The following SLC10A7 variants were observed in gnomAD, a reference collection of about 807,000 sequenced individuals.
SLC10A7 encodes solute carrier family 10 member 7.
SLC10A7 carries 29 observed loss-of-function variants against 43.2 expected under a neutral mutation model. The observed-to-expected ratio is 0.67, with a 90% CI of 0.50 to 0.92. The LOEUF is 0.92. SLC10A7 is among the 40% of genes least tolerant of loss of function. The pLI is 0.00. For missense variants in SLC10A7, 295 were observed against 403.2 expected, an observed-to-expected ratio of 0.73 and a Z score of 2.30; for synonymous variants, 152 against 144.8, an observed-to-expected ratio of 1.05 and a Z score of -0.35.
intron 5 of SLC10A7, among the ~76,000 whole-genome samples, chr4:146,405,811 A>C (rs926265562): frequency 3.9e-5 from 6 of 152,058 alleles, no homozygotes; most frequent in Non-Finnish European, 5.9e-5. Flanking sequence ...TGGAGGCAGA[A>C]GGAAGAGTTT....
chr4:146,278,644 C>A (rs1305654626), intron 10 of SLC10A7, among the ~76,000 whole-genome samples: 1 of 152,128 alleles, frequency 6.6e-6, no homozygotes, highest in Non-Finnish European at 1.5e-5. Context: ...CTTTCAAGAA[C>A]TTATTTCCTT....
At position 146,256,362 on chromosome 4, in the gene SLC10A7, G is replaced by T; in HGVS notation, c.*129C>A. On this transcript the variant is annotated 3_prime_UTR_variant, in exon 12 of 12. Coordinates refer to ENST00000335472, the MANE Select transcript of SLC10A7 (RefSeq NM_001029998.6). Reference sequence around the variant, plus strand: ...AATACATTTTAAGGCACTTAAACAGGATCTCATATTTTTGTGTAAAAAAAT... The same window carrying T: ...AATACATTTTAAGGCACTTAAACAGTATCTCATATTTTTGTGTAAAAAAAT... 1.2e-6 allele frequency: 1 copy of T among 840,318 alleles called. No homozygotes were observed. 52.1% of individuals were successfully genotyped at this position (840,318 alleles called of 1,614,324 possible). A position where few individuals can be genotyped will look rare whatever the true frequency, so the allele number is the denominator to read the frequency against.
chr4:146,307,320 T>C (rs1331948861), intron 6 of SLC10A7, among the ~76,000 whole-genome samples: 1 of 152,166 alleles, frequency 6.6e-6, no homozygotes, highest in Non-Finnish European at 1.5e-5. Context: ...TCTAGCCCTT[T>C]TTCTCCACAA....
chr4:146,426,165 T>C (rs1729339432), intron 5 of SLC10A7, among the ~76,000 whole-genome samples: 1 of 152,204 alleles, frequency 6.6e-6, no homozygotes, highest in Admixed American at 6.5e-5. Flanking sequence ...TATATGCCAC[T>C]TTTTCCTGAC....
At chr4:146,499,543 T>C (rs1328195227) in intron 4 of SLC10A7, among the ~76,000 whole-genome samples, 1 of 152,210 alleles carries the variant, frequency 6.6e-6, no homozygotes, top group African/African-American at 2.4e-5. Flanking sequence ...GTATTAAACT[T>C]TTCTACTACC....
intron 3 of SLC10A7, among the ~76,000 whole-genome samples, chr4:146,505,667 A>C (rs1736834047): frequency 6.6e-6 from 1 of 152,206 alleles, no homozygotes; most frequent in Non-Finnish European, 1.5e-5. Flanking sequence ...ATTTTATGGA[A>C]TTTCCAACTC....
chr4:146,414,780 T>C (rs1237984585), intron 5 of SLC10A7, among the ~76,000 whole-genome samples: 1 of 150,056 alleles, frequency 6.7e-6, no homozygotes, highest in Non-Finnish European at 1.5e-5. Flanking sequence ...CATCTGTTCA[T>C]GACTTTTATA....
chr4:146,510,419 T>C (rs1211141211), intron 2 of SLC10A7, among the ~76,000 whole-genome samples: 1 of 152,052 alleles, frequency 6.6e-6, no homozygotes, highest in Non-Finnish European at 1.5e-5. Context: ...GCCACCACCA[T>C]GCCCTCCTAA....
intron 4 of SLC10A7, among the ~76,000 whole-genome samples, chr4:146,501,441 G>A (rs1167414944): frequency 6.6e-6 from 1 of 152,096 alleles, no homozygotes; most frequent in Non-Finnish European, 1.5e-5. Context: ...GACTTATTCT[G>A]GCCAATTTAA....
In SLC10A7 at chr4:146,258,512, C is replaced by T. The variant is rs540399581; in HGVS notation, c.993+180G>A. Among the ~76,000 whole-genome samples, 3 of 152,258 alleles carry T rather than the reference C, an allele frequency of 2.0e-5. No homozygotes were observed. The South Asian group carries it at 6.2e-4, about 32-fold the overall frequency. Reference sequence around the variant, plus strand: ...TTTATAACAATTTAAAATCTTTAACCTCAACCCTCCTGTTCAAATTGGAAT... The same window carrying T: ...TTTATAACAATTTAAAATCTTTAACTTCAACCCTCCTGTTCAAATTGGAAT... On this transcript the variant is annotated intron_variant, in intron 11 of 11. Coordinates refer to ENST00000335472, the MANE Select transcript of SLC10A7 (RefSeq NM_001029998.6).
intron 5 of SLC10A7, among the ~76,000 whole-genome samples, chr4:146,411,413 T>C (rs1483523349): frequency 6.6e-6 from 1 of 152,190 alleles, no homozygotes; most frequent in Non-Finnish European, 1.5e-5. Flanking sequence ...TTTTTAAATA[T>C]CTGTTTTGTC....
At chr4:146,295,189 G>C (rs1333351446) in intron 7 of SLC10A7, among the ~76,000 whole-genome samples, 1 of 152,088 alleles carries the variant, frequency 6.6e-6, no homozygotes, top group African/African-American at 2.4e-5. Flanking sequence ...CTGGCTGTTG[G>C]ATCAACTTCA....
intron 4 of SLC10A7, among the ~76,000 whole-genome samples, 195 bp from the exon 5 acceptor site, chr4:146,443,016 T>A (rs557589862): frequency 6.6e-6 from 1 of 152,296 alleles, no homozygotes; most frequent in Admixed American, 6.5e-5. Flanking sequence ...AGCTTAGGAA[T>A]TCATAAATAA....
intron 10 of SLC10A7, among the ~76,000 whole-genome samples, chr4:146,263,708 T>C (rs1180598063): frequency 6.6e-6 from 1 of 152,220 alleles, no homozygotes; most frequent in Non-Finnish European, 1.5e-5. Context: ...GTGAACACTA[T>C]GCACGCATTT....
In SLC10A7 at chr4:146,372,040, A is replaced by G. The variant is rs551801785; in HGVS notation, c.436-46044T>C. 3.9e-5 allele frequency among the ~76,000 whole-genome samples: 6 copies of G among 152,240 alleles called. No homozygotes were observed. In the East Asian group the frequency reaches 1.2e-3, roughly 29 times the overall value. On this transcript the variant is annotated intron_variant, in intron 5 of 11. Coordinates refer to ENST00000335472, the MANE Select transcript of SLC10A7 (RefSeq NM_001029998.6). ...ATCTGGATGTTCTCTGTCTCTTCCTATTACTAAATATATGCATCAGAATCC... is the reference window on the plus strand; with the variant it reads ...ATCTGGATGTTCTCTGTCTCTTCCTGTTACTAAATATATGCATCAGAATCC...
intron 4 of SLC10A7, among the ~76,000 whole-genome samples, chr4:146,482,016 T>A (rs1734517780): frequency 6.6e-6 from 1 of 152,126 alleles, no homozygotes; most frequent in Admixed American, 6.5e-5. Context: ...TGATCACAAC[T>A]AAAGAAGCTG....
At chr4:146,279,362 G>A (rs140243333) in intron 10 of SLC10A7, among the ~76,000 whole-genome samples, 2 of 152,176 alleles carry the variant, frequency 1.3e-5, no homozygotes, top group East Asian at 3.9e-4. Context: ...TAAATAAGAT[G>A]GTAGTAAAAT....
chr4:146,463,107 A>G lies in SLC10A7; in HGVS notation c.397-20286T>C, dbSNP rs1402176598. Among the ~76,000 whole-genome samples, 4 of 152,340 alleles carry G rather than the reference A, an allele frequency of 2.6e-5. No individual in the cohort carries two copies. In the East Asian group the frequency reaches 5.8e-4, roughly 22 times the overall value. On this transcript the variant is annotated intron_variant, in intron 4 of 11. Coordinates refer to ENST00000335472, the MANE Select transcript of SLC10A7 (RefSeq NM_001029998.6). Reference sequence around the variant, plus strand: ...TGGTTGAAGTAAAATAAAGAAATACAGCAACTTTTAAAATGCTGCCCTCTA... The same window carrying G: ...TGGTTGAAGTAAAATAAAGAAATACGGCAACTTTTAAAATGCTGCCCTCTA...
chr4:146,414,913 T>G (rs1728461711), intron 5 of SLC10A7, among the ~76,000 whole-genome samples: 1 of 152,132 alleles, frequency 6.6e-6, no homozygotes, highest in Admixed American at 6.6e-5. Flanking sequence ...ATTAATATTC[T>G]CACTCCTAAT....
Sources: gnomAD v4.1 joint callset for allele counts (sites outside exome capture counted in the v4.1 genomes callset) on GRCh38, gnomAD v4.1.1 for gene constraint, MANE v1.5 for transcripts, NCBI Gene and HGNC (gene_info 2026-07-23, HGNC 2026-07-21) for gene names.